The following MRPL3 variants were observed in gnomAD, a reference collection of about 807,000 sequenced individuals.
The protein encoded by MRPL3 is mitochondrial ribosomal protein L3, also known as large ribosomal subunit protein uL3m.
A neutral mutation model predicts 44.3 loss-of-function variants in MRPL3; 43 were observed. That is an observed-to-expected ratio of 0.97 (90% CI 0.76 to 1.25). MRPL3 has a LOEUF of 1.25. MRPL3 is among the 50% of genes most tolerant of loss of function. The pLI is 0.00. For synonymous variants in MRPL3, 171 were observed against 152.3 expected (o/e 1.12, Z -0.91); for missense variants, 406 against 427.6 (o/e 0.95, Z 0.45).
intron 4 of MRPL3, among the ~76,000 whole-genome samples, chr3:131,497,147 G>T (rs1015429069): frequency 1.3e-5 from 2 of 152,172 alleles, no homozygotes; most frequent in African/African-American, 4.8e-5. Flanking sequence ...GTTTATTTGT[G>T]TAACTTCCTC....
intron 2 of MRPL3, 130 bp downstream of exon 2, chr3:131,501,401 A>G (rs946899988): frequency 7.0e-6 from 6 of 852,222 alleles, no homozygotes; most frequent in Admixed American, 2.6e-5. Context: ...ACAAACCACA[A>G]TAAAACACAC....
intron 8 of MRPL3, 58 bp downstream of exon 8, chr3:131,469,638 C>A: frequency 8.3e-7 from 1 of 1,199,606 alleles, no homozygotes; most frequent in Non-Finnish European, 1.2e-6. Flanking sequence ...ACATATTCTG[C>A]TGCCTTTGCA....
At chr3:131,487,503 CAATTA>C (rs2110708791) in intron 6 of MRPL3, 172 bp downstream of exon 6, 1 of 583,798 alleles carries the variant, frequency 1.7e-6, no homozygotes, top group African/African-American at 1.9e-5. Context: ...CCTTTACATA[CAATTA>C]ATTTGGCACA....
At chr3:131,482,460 A>G (rs1296657309) in intron 6 of MRPL3, among the ~76,000 whole-genome samples, 1 of 151,714 alleles carries the variant, frequency 6.6e-6, no homozygotes, top group Admixed American at 6.6e-5. Flanking sequence ...GCTTGCAGTG[A>G]GCCGAGATCG....
At chr3:131,493,820 A>G (rs1248458731) in intron 4 of MRPL3, among the ~76,000 whole-genome samples, 1 of 152,256 alleles carries the variant, frequency 6.6e-6, no homozygotes, top group African/African-American at 2.4e-5. Context: ...TGTAATTTTC[A>G]AAAAGCAAGA....
At chr3:131,471,931 C>T (rs1933752826) in intron 6 of MRPL3, among the ~76,000 whole-genome samples, 1 of 152,078 alleles carries the variant, frequency 6.6e-6, no homozygotes, top group South Asian at 2.1e-4. Context: ...TAACGAAGGA[C>T]CTGAGGTCTG....
rs188738307 is a variant in MRPL3, at chr3:131,491,707, G to A, written c.469-1627C>T. 1.8e-3 allele frequency among the ~76,000 whole-genome samples: 267 copies of A among 151,890 alleles called. 3 individuals are homozygous for A. The highest frequency in any genetic ancestry group is 0.016 in the Admixed American group (248 of 15,242). ...CAGACTATTTAAAAATATAGCCCAC[G>A]CCAACCACTTACCACCCCATCCCAA... On this transcript the variant is annotated intron_variant, in intron 4 of 9. Coordinates refer to ENST00000264995, the MANE Select transcript of MRPL3 (RefSeq NM_007208.4).
At chr3:131,491,025 C>A (rs1324072914) in intron 4 of MRPL3, among the ~76,000 whole-genome samples, 2 of 152,150 alleles carry the variant, frequency 1.3e-5, no homozygotes, top group African/African-American at 4.8e-5. Flanking sequence ...TTTTTTTCCC[C>A]TTTCTACTGG....
intron 5 of MRPL3, among the ~76,000 whole-genome samples, chr3:131,488,444 C>T (rs1483486369): frequency 2.0e-5 from 3 of 152,100 alleles, no homozygotes; most frequent in African/African-American, 7.2e-5. Flanking sequence ...CAAAGCCCTT[C>T]ATAATATTGT....
At chr3:131,467,708 G>C (rs1198559799) in intron 9 of MRPL3, among the ~76,000 whole-genome samples, 1 of 151,976 alleles carries the variant, frequency 6.6e-6, no homozygotes, top group African/African-American at 2.4e-5. Context: ...TTCCTGAACA[G>C]CCTGTGGAAC....
intron 6 of MRPL3, among the ~76,000 whole-genome samples, chr3:131,486,412 A>G (rs551577652): frequency 6.8e-6 from 1 of 147,542 alleles, no homozygotes; most frequent in East Asian, 2.0e-4. Flanking sequence ...CTACCATCAG[A>G]ATGAATAGGC....
chr3:131,476,599 G>C (rs56402241), intron 6 of MRPL3, among the ~76,000 whole-genome samples: 8,943 of 152,156 alleles, frequency 0.059, 898 homozygotes, highest in African/African-American at 0.2. Context: ...AAAGTGGAAA[G>C]AACATAGAGA....
chr3:131,475,902 A>C (rs902448034), intron 6 of MRPL3, among the ~76,000 whole-genome samples: 2 of 152,224 alleles, frequency 1.3e-5, no homozygotes, highest in Admixed American at 1.3e-4. Context: ...TTGGCAAACA[A>C]CACTTCAAAG....
chr3:131,502,712 A>T lies in MRPL3; in HGVS notation c.92+18T>A. On this transcript the variant is annotated intron_variant, in intron 1 of 9. Transcript: ENST00000264995. ...CAGGACGCAACTGTGCAGGTAGGAC[A>T]CCCTCACACCTTCCTACCTGTTCCC... is the stretch of plus-strand genomic sequence containing the variant. 1 of 1,593,148 alleles carries T rather than the reference A, an allele frequency of 6.3e-7. No individual in the cohort carries two copies. Among genetic ancestry groups the T allele is most frequent in the Non-Finnish European group, 8.6e-7 (1 of 1,166,270 alleles).
chr3:131,489,605 G>A (rs1399934105), intron 5 of MRPL3, among the ~76,000 whole-genome samples: 5 of 151,910 alleles, frequency 3.3e-5, no homozygotes, highest in African/African-American at 9.7e-5. Flanking sequence ...TGCTATGGTC[G>A]GTCCCTTCTG....
At chr3:131,500,638 G>T (rs139092044) in intron 2 of MRPL3, 117 bp from the exon 3 acceptor site, 1 of 745,114 alleles carries the variant, frequency 1.3e-6, no homozygotes, top group Non-Finnish European at 2.3e-6. Flanking sequence ...TAAGAAATAT[G>T]CTAATATATT....
intron 3 of MRPL3, among the ~76,000 whole-genome samples, chr3:131,499,802 C>T (rs1934454606): frequency 2.0e-5 from 3 of 152,050 alleles, no homozygotes; most frequent in African/African-American, 7.2e-5. Context: ...TTAGTGGACA[C>T]TTAACATTGT....
rs1256488073 is a variant in MRPL3, at chr3:131,498,232, TAC to T, written c.413_414del (p.Cys138Ter). 5 of 1,612,714 alleles carry T rather than the reference TAC, an allele frequency of 3.1e-6. No homozygotes were observed. Among genetic ancestry groups the T allele is most frequent in the East Asian group, 2.2e-5 (1 of 44,868 alleles). On this transcript the variant is annotated frameshift_variant, in exon 4 of 10. Coordinates refer to ENST00000264995, the MANE Select transcript of MRPL3 (RefSeq NM_007208.4). LOFTEE classifies it high-confidence loss of function. ...ACAGACAGGGTTGCCATTTTTCCATTACAGTTTTCCTTTGACGTATATTTTAA... is the reference window on the plus strand; with the variant it reads ...ACAGACAGGGTTGCCATTTTTCCATTAGTTTTCCTTTGACGTATATTTTAA... ...HVLKYTSKENCNGKMATLSVG... is the reference protein window; with the variant it reads ...HVLKYTSKENXNGKMATLSVG...
chr3:131,498,153 T>C (rs749102048), intron 4 of MRPL3, 26 bp downstream of exon 4: 97 of 1,419,144 alleles, frequency 6.8e-5, no homozygotes, highest in Non-Finnish European at 6.2e-5. Context: ...AAATGCAGTA[T>C]TCTAGCTATG....
Sources: allele counts gnomAD v4.1 joint callset (sites outside exome capture counted in the v4.1 genomes callset), GRCh38; gene constraint gnomAD v4.1.1; transcripts MANE v1.5; gene names NCBI Gene and HGNC (gene_info 2026-07-23, HGNC 2026-07-21).